The following DMD variants were observed in gnomAD, a reference collection of about 807,000 sequenced individuals.
DMD encodes the protein mutant dystrophin.
Under a neutral mutation model 330.1 loss-of-function variants are expected in DMD, and 63 were observed. The observed-to-expected ratio is 0.19, with a 90% CI of 0.16 to 0.24. The LOEUF (loss-of-function observed/expected upper bound fraction) is 0.24. Among genes scored for constraint, DMD ranks in the 10% least tolerant of loss-of-function variants. The pLI is 1.00. For synonymous variants in DMD, 1,223 were observed against 959.8 expected, an observed-to-expected ratio of 1.27 and a Z score of -5.07; for missense variants, 3,344 against 2,684.1, an observed-to-expected ratio of 1.25 and a Z score of -5.43.
At chrX:32,796,641 G>C (rs1330697696) in intron 7 of DMD, among the ~76,000 whole-genome samples, 1 of 111,788 alleles carries the variant, frequency 8.9e-6, no homozygotes, top group East Asian at 2.8e-4. Context: ...AATACTCAAA[G>C]TAATGAATAC....
chrX:33,291,023 ACTG>A (rs2053503337), intron 1 of DMD, among the ~76,000 whole-genome samples: 1 of 111,291 alleles, frequency 9.0e-6, no homozygotes, highest in Non-Finnish European at 1.9e-5. Context: ...ATACTGGCAA[ACTG>A]AATCCAGCAG....
intron 16 of DMD, among the ~76,000 whole-genome samples, chrX:32,563,387 C>T (rs1032469585): frequency 9.3e-6 from 1 of 107,234 alleles, no homozygotes; most frequent in African/African-American, 3.4e-5. Context: ...CCACAAAAAG[C>T]CCTCCAGACA....
chrX:32,809,938 A>G lies in DMD; in HGVS notation c.531-327T>C, dbSNP rs2052317860. On this transcript the variant is annotated intron_variant, in intron 6 of 78. Coordinates refer to ENST00000357033, the MANE Select transcript of DMD (RefSeq NM_004006.3). ...TTCTACCAAAAAAAAAAAAAAAAAA[A>G]AAAAAAAAGAAAGAAAGAAAGAAAG... 1.4e-4 allele frequency among the ~76,000 whole-genome samples: 13 copies of G among 93,380 alleles called. No individual in the cohort carries two copies. The South Asian group carries it at 7.3e-3, about 52-fold the overall frequency. 81.1% of individuals were successfully genotyped at this position (93,380 alleles called of 115,157 possible).
rs1446641199 is a variant in DMD, at chrX:31,946,458, T to A, written c.6615-14231A>T. 3.6e-5 allele frequency among the ~76,000 whole-genome samples: 4 copies of A among 111,785 alleles called. No individual in the cohort carries two copies. In the East Asian group the frequency reaches 1.1e-3, roughly 32 times the overall value. The stretch of plus-strand genomic sequence containing the variant: ...TGATTCTGCATGAACTTTATTAGTG[T>A]ATTATTTATTTTACATCCATGTCAA... On this transcript the variant is annotated intron_variant, in intron 45 of 78. Coordinates refer to ENST00000357033, the MANE Select transcript of DMD (RefSeq NM_004006.3).
At chrX:31,400,770 T>C (rs1177902310) in intron 60 of DMD, among the ~76,000 whole-genome samples, 1 of 112,289 alleles carries the variant, frequency 8.9e-6, no homozygotes, top group Non-Finnish European at 1.9e-5. Flanking sequence ...GCCAAGCTTT[T>C]CTTAGCTTTT....
intron 9 of DMD, among the ~76,000 whole-genome samples, chrX:32,667,970 T>C (rs2061415348): frequency 1.0e-5 from 1 of 97,334 alleles, no homozygotes. Flanking sequence ...CAAAACCTTG[T>C]CACTATTTAA....
chrX:32,810,990 C>T (rs1181530511), intron 6 of DMD, among the ~76,000 whole-genome samples: 7 of 109,982 alleles, frequency 6.4e-5, no homozygotes, highest in Non-Finnish European at 5.7e-5. Flanking sequence ...TGGGTCTTTA[C>T]TCGAAAATCA....
chrX:32,843,774 A>C (rs925401546), intron 4 of DMD, among the ~76,000 whole-genome samples: 1 of 111,816 alleles, frequency 8.9e-6, no homozygotes, highest in Non-Finnish European at 1.9e-5. Flanking sequence ...TAAGAAAGGA[A>C]GGCTGCCTCC....
At chrX:33,054,438 A>C (rs73188294) in intron 1 of DMD, among the ~76,000 whole-genome samples, 6,198 of 111,922 alleles carry the variant, frequency 0.055, 142 homozygotes, top group African/African-American at 0.067. Context: ...CAAATCATTT[A>C]ACAATTAGTT....
intron 44 of DMD, among the ~76,000 whole-genome samples, chrX:32,116,107 C>T (rs187979810): frequency 8.9e-6 from 1 of 111,916 alleles, no homozygotes; most frequent in East Asian, 2.8e-4. Flanking sequence ...CACCTCCTTC[C>T]TTCCCCACCT....
chrX:31,983,971 G>A (rs1298219399), intron 44 of DMD, among the ~76,000 whole-genome samples: 1 of 111,363 alleles, frequency 9.0e-6, no homozygotes, highest in East Asian at 2.8e-4. Flanking sequence ...CCATTATTCG[G>A]TACTGGCTCT....
intron 44 of DMD, among the ~76,000 whole-genome samples, chrX:32,041,275 G>C (rs2096000019): frequency 9.0e-6 from 1 of 111,635 alleles, no homozygotes; most frequent in South Asian, 3.8e-4. Flanking sequence ...AAATAGACCT[G>C]TTTCGCCCAC....
In DMD at chrX:33,261,244, C is replaced by T. The variant is rs886985948; in HGVS notation, c.7+78015G>A. ...TAAATATAAAACATTTAAACCTCTT[C>T]AGTTAAGATGGCATGGAAATTTCAT... On this transcript the variant is annotated intron_variant, in intron 1 of 17. Transcript: ENST00000288447. Among the ~76,000 whole-genome samples the T allele has an allele frequency of 1.4e-4, 15 of 110,414 alleles. No individual in the cohort carries two copies. The Admixed American group carries it at 1.5e-3, about 11-fold the overall frequency.
At chrX:31,412,913 CTTAA>C (rs993779050) in intron 60 of DMD, among the ~76,000 whole-genome samples, 1 of 111,856 alleles carries the variant, frequency 8.9e-6, no homozygotes, top group Non-Finnish European at 1.9e-5. Context: ...TACAATCTTA[CTTAA>C]TTAAGTGTGC....
intron 44 of DMD, among the ~76,000 whole-genome samples, chrX:32,170,331 G>A (rs1204100311): frequency 9.2e-6 from 1 of 109,098 alleles, no homozygotes; most frequent in Admixed American, 9.9e-5. Context: ...AATTAACTGG[G>A]AGGGGTGGTG....
At chrX:32,200,393 G>T (rs916678424) in intron 44 of DMD, among the ~76,000 whole-genome samples, 2 of 111,656 alleles carry the variant, frequency 1.8e-5, no homozygotes, top group Non-Finnish European at 3.8e-5. Context: ...ATATACACAT[G>T]TAATTTGAAA....
chrX:31,798,672 G>C (rs866690530), intron 50 of DMD, among the ~76,000 whole-genome samples: 2 of 111,409 alleles, frequency 1.8e-5, no homozygotes, highest in Non-Finnish European at 3.8e-5. Flanking sequence ...GGAGTACAGT[G>C]GTAAATGTGG....
chrX:32,347,804 G>A (rs2097769074), intron 38 of DMD, among the ~76,000 whole-genome samples: 1 of 111,739 alleles, frequency 8.9e-6, no homozygotes, highest in Non-Finnish European at 1.9e-5. Flanking sequence ...GAGAAATGTA[G>A]TAGATACTTT....
intron 41 of DMD, 69 bp downstream of exon 41, chrX:32,342,031 T>A (rs2097745897): frequency 3.8e-6 from 4 of 1,043,434 alleles, no homozygotes; most frequent in East Asian, 3.2e-5. Flanking sequence ...CTTTTTTTTT[T>A]ATTAGTAGGC....
Sources: allele counts gnomAD v4.1 joint callset (sites outside exome capture counted in the v4.1 genomes callset), GRCh38; gene constraint gnomAD v4.1.1; transcripts MANE v1.5; gene names NCBI Gene and HGNC (gene_info 2026-07-23, HGNC 2026-07-21).